The following PRKG1 variants were observed in gnomAD, a reference collection of about 807,000 sequenced individuals.
PRKG1 encodes protein kinase cGMP-dependent 1, also known as cGMP-dependent protein kinase 1.
PRKG1 carries 35 observed loss-of-function variants against 88.1 expected under a neutral mutation model. The observed-to-expected ratio is 0.40, with a 90% CI of 0.30 to 0.53. The LOEUF (loss-of-function observed/expected upper bound fraction) is 0.53, where lower values mean the gene tolerates loss of function less well. Among genes scored for constraint, PRKG1 ranks in the 20% least tolerant of loss-of-function variants. The probability of loss-of-function intolerance (pLI) is 0.59; values close to 1 mark genes in which losing one functional copy is unlikely to be tolerated. For synonymous variants in PRKG1, 303 were observed against 292.5 expected, an observed-to-expected ratio of 1.04 and a Z score of -0.37; for missense variants, 540 against 839.8, an observed-to-expected ratio of 0.64 and a Z score of 4.41.
At chr10:51,637,049 T>C (rs1839673578) in intron 3 of PRKG1, among the ~76,000 whole-genome samples, 1 of 152,174 alleles carries the variant, frequency 6.6e-6, no homozygotes, top group Admixed American at 6.5e-5. Flanking sequence ...GCTTTTCTTC[T>C]AAAAACCTTC....
chr10:51,077,162 A>G (rs190551524), intron 1 of PRKG1, among the ~76,000 whole-genome samples: 44 of 152,344 alleles, frequency 2.9e-4, no homozygotes, highest in African/African-American at 9.9e-4. Flanking sequence ...TAGCTCCACA[A>G]AGAGTTAAGA....
At chr10:51,583,720 G>A (rs1367937033) in intron 3 of PRKG1, among the ~76,000 whole-genome samples, 1 of 151,976 alleles carries the variant, frequency 6.6e-6, no homozygotes, top group Non-Finnish European at 1.5e-5. Flanking sequence ...TGCTAACTGA[G>A]GCAGAAAATC....
intron 2 of PRKG1, among the ~76,000 whole-genome samples, chr10:51,285,910 C>G (rs1840428047): frequency 6.6e-6 from 1 of 152,148 alleles, no homozygotes; most frequent in Non-Finnish European, 1.5e-5. Flanking sequence ...GACCCAGACC[C>G]ACTGGAAATG....
intron 8 of PRKG1, among the ~76,000 whole-genome samples, chr10:52,146,945 G>A (rs1837744751): frequency 6.6e-6 from 1 of 152,202 alleles, no homozygotes. Context: ...TGACTGGGGT[G>A]AATCAGCCCA....
intron 3 of PRKG1, among the ~76,000 whole-genome samples, chr10:51,474,162 G>T (rs908737353): frequency 6.6e-6 from 1 of 151,828 alleles, no homozygotes; most frequent in Admixed American, 6.6e-5. Context: ...CCATTTTATT[G>T]CAAAAGCAAC....
intron 5 of PRKG1, among the ~76,000 whole-genome samples, chr10:52,009,991 C>T (rs1050661713): frequency 6.6e-6 from 1 of 152,108 alleles, no homozygotes; most frequent in Non-Finnish European, 1.5e-5. Context: ...GAAACTGGAC[C>T]TCTAGCTTCC....
chr10:52,039,551 G>T (rs995914063), intron 5 of PRKG1, among the ~76,000 whole-genome samples: 1 of 152,140 alleles, frequency 6.6e-6, no homozygotes, highest in South Asian at 2.1e-4. Context: ...CTTGGGCTCA[G>T]AGGCCTGACA....
chr10:51,985,224 G>T (rs967846470), intron 5 of PRKG1, among the ~76,000 whole-genome samples: 8 of 152,196 alleles, frequency 5.3e-5, no homozygotes, highest in Non-Finnish European at 8.8e-5. Flanking sequence ...TAAGAAATTA[G>T]GTTAGCCCAG....
At chr10:51,476,174 T>C (rs1405269626) in intron 3 of PRKG1, among the ~76,000 whole-genome samples, 1 of 151,930 alleles carries the variant, frequency 6.6e-6, no homozygotes, top group African/African-American at 2.4e-5. Flanking sequence ...ATCACAGTCA[T>C]TGAGAAGGAA....
At chr10:51,179,120 C>T (rs560086406) in intron 2 of PRKG1, among the ~76,000 whole-genome samples, 6 of 152,282 alleles carry the variant, frequency 3.9e-5, no homozygotes, top group African/African-American at 1.4e-4. Flanking sequence ...AAATTTCAGT[C>T]AACCAGGGAT....
chr10:51,466,522 C>CT lies in PRKG1; in HGVS notation c.479-1200dup, dbSNP rs1839911695. 3.3e-5 allele frequency among the ~76,000 whole-genome samples: 5 copies of CT among 151,912 alleles called. No homozygotes were observed. In the South Asian group the frequency reaches 8.3e-4, roughly 25 times the overall value. On this transcript the variant is annotated intron_variant, in intron 2 of 17. Coordinates refer to ENST00000373980, the MANE Select transcript of PRKG1 (RefSeq NM_006258.4). ...GGTTTTCAGGGTAGGATAATGTCCT[C>CT]TGAAGGGTGAATCACGTACCACTAG...
At chr10:52,240,117 T>C (rs1048255998) in intron 9 of PRKG1, among the ~76,000 whole-genome samples, 1 of 152,204 alleles carries the variant, frequency 6.6e-6, no homozygotes. Flanking sequence ...GCTTATTTTG[T>C]TTCTGTCATC....
At chr10:51,530,372 A>G (rs1443066259) in intron 3 of PRKG1, among the ~76,000 whole-genome samples, 1 of 152,166 alleles carries the variant, frequency 6.6e-6, no homozygotes, top group Non-Finnish European at 1.5e-5. Flanking sequence ...TAGCAGATAT[A>G]TATATTATTA....
intron 1 of PRKG1, among the ~76,000 whole-genome samples, chr10:51,000,289 G>T (rs1842875538): frequency 6.6e-6 from 1 of 152,212 alleles, no homozygotes; most frequent in Non-Finnish European, 1.5e-5. Flanking sequence ...ATTCCAGTTG[G>T]CTTTCTTGAC....
intron 1 of PRKG1, among the ~76,000 whole-genome samples, chr10:51,032,798 G>A (rs1370127634): frequency 6.6e-6 from 1 of 152,030 alleles, no homozygotes; most frequent in Non-Finnish European, 1.5e-5. Context: ...ATGTGTATGT[G>A]TGCATATGTG....
intron 5 of PRKG1, among the ~76,000 whole-genome samples, chr10:52,038,889 T>C (rs1845685035): frequency 6.6e-6 from 1 of 151,842 alleles, no homozygotes; most frequent in African/African-American, 2.4e-5. Flanking sequence ...AAGGGAGAGA[T>C]TGAAGAGTGG....
chr10:51,413,516 C>G (rs10997444), intron 2 of PRKG1, among the ~76,000 whole-genome samples: 11 of 151,912 alleles, frequency 7.2e-5, no homozygotes, highest in African/African-American at 2.7e-4. Flanking sequence ...CACACCACCA[C>G]GCCCAGCTAA....
At chr10:52,130,698 A>G (rs1837229338) in intron 7 of PRKG1, among the ~76,000 whole-genome samples, 2 of 152,236 alleles carry the variant, frequency 1.3e-5, no homozygotes, top group African/African-American at 4.8e-5. Context: ...AGTCATTCAC[A>G]TAATTTATGA....
At chr10:52,026,517 GACAGGAAAT>G (rs1845341291) in intron 5 of PRKG1, among the ~76,000 whole-genome samples, 16 of 152,160 alleles carry the variant, frequency 1.1e-4, no homozygotes, top group Admixed American at 1.0e-3. Context: ...ATTCCCTAGA[GACAGGAAAT>G]ACATTATTTG....
Sources: allele counts gnomAD v4.1 joint callset (sites outside exome capture counted in the v4.1 genomes callset), GRCh38; gene constraint gnomAD v4.1.1; transcripts MANE v1.5; gene names NCBI Gene and HGNC (gene_info 2026-07-23, HGNC 2026-07-21).